ZNF773: variants seen among roughly 807,000 people sequenced by gnomAD.
ZNF773 encodes zinc finger protein 419B.
ZNF773 carries 11 observed loss-of-function variants against 12.8 expected under a neutral mutation model. That is an observed-to-expected ratio of 0.86 (90% CI 0.54 to 1.42). The LOEUF (loss-of-function observed/expected upper bound fraction) is 1.42. Among genes scored for constraint, ZNF773 ranks in the 40% most tolerant of loss-of-function variants. The pLI is 0.00. For synonymous variants in ZNF773, 175 were observed against 178.4 expected (o/e 0.98, Z 0.15); for missense variants, 518 against 527.2 (o/e 0.98, Z 0.17).
downstream of ZNF773, among the ~76,000 whole-genome samples, chr19:57,509,981 G>A (rs936946569): frequency 1.3e-5 from 2 of 152,174 alleles, no homozygotes; most frequent in Admixed American, 1.3e-4. Flanking sequence ...AAGAGGCAAT[G>A]ACATAAAACT....
intron 3 of ZNF773, among the ~76,000 whole-genome samples, chr19:57,505,713 T>G (rs1600151034): frequency 4.4e-4 from 1 of 2,276 alleles, no homozygotes; most frequent in Non-Finnish European, 1.2e-3. Context: ...ATTCCAGTTG[T>G]TTTTTTTTTT....
chr19:57,505,898 A>G (rs2089726093), intron 3 of ZNF773, among the ~76,000 whole-genome samples: 1 of 151,776 alleles, frequency 6.6e-6, no homozygotes, highest in African/African-American at 2.4e-5. Flanking sequence ...TTTAGTAGAG[A>G]CTGGGTTTCA....
At chr19:57,511,345 C>T (rs1193479979), downstream of ZNF773, among the ~76,000 whole-genome samples, 1 of 152,118 alleles carries the variant, frequency 6.6e-6, no homozygotes, top group Non-Finnish European at 1.5e-5. Context: ...GCCACCATGC[C>T]CGGCCAACAA....
chr19:57,504,201 C>T (rs2089700891), intron 1 of ZNF773, among the ~76,000 whole-genome samples: 1 of 152,166 alleles, frequency 6.6e-6, no homozygotes, highest in Non-Finnish European at 1.5e-5. Context: ...GGTGAGTGCC[C>T]TCTGGATGCC....
chr19:57,516,150 C>G (rs1357018559), downstream of ZNF773: 1 of 155,366 alleles, frequency 6.4e-6, no homozygotes, highest in Non-Finnish European at 1.4e-5. Context: ...CCCAGCTCCT[C>G]CAGTACGAGC....
chr19:57,505,510 C>T (rs1166946001), intron 3 of ZNF773, 110 bp downstream of exon 3: 12 of 1,236,414 alleles, frequency 9.7e-6, no homozygotes, highest in South Asian at 3.6e-5. Flanking sequence ...AAGGTGTCGT[C>T]GCTGATTTCT....
In ZNF773 at chr19:57,507,620, A is replaced by G; in HGVS notation, c.*196A>G. ...AGCCAAAGGCCTAACCGTATTCAAC[A>G]CCAGAAAGTTTAGACTGGAGAAAGG... On this transcript the variant is annotated 3_prime_UTR_variant, in exon 4 of 4. Transcript: ENST00000282292. The G allele has an allele frequency of 1.4e-6, 2 of 1,393,662 alleles. No homozygotes were observed. The highest frequency in any genetic ancestry group is 1.8e-5 in the South Asian group (1 of 54,880). The allele number at this position is 1,393,662 out of a possible 1,614,324, so 86.3% of individuals were successfully genotyped here.
At chr19:57,513,138 G>T, downstream of ZNF773, 1 of 1,407,834 alleles carries the variant, frequency 7.1e-7, no homozygotes, top group Non-Finnish European at 9.3e-7. Flanking sequence ...AAGTCTGCTG[G>T]CAGTGGATAT....
Position 57,500,086 on chromosome 19 carries a change from G to A in ZNF773, c.6G>A (p.Ala2=), listed in dbSNP as rs761750002. 6.2e-7 allele frequency: 1 copy of A among 1,604,110 alleles called. No homozygotes were observed. Among genetic ancestry groups the A allele is most frequent in the Non-Finnish European group, 8.5e-7 (1 of 1,176,898 alleles). The change falls in exon 1 of 4, where the codon GCG becomes GCA. Residue 2 remains alanine, a synonymous_variant. Coordinates refer to ENST00000282292, the MANE Select transcript of ZNF773 (RefSeq NM_198542.3). ...TCTCACCGCCACAGGCTCCGATGGC[G>A]GCGGCCACGCTGAGGGACCCCGCTC... M[A]AATLRDPAQQ...
rs921994781 is a variant in ZNF773, at chr19:57,502,630, G to C, written c.34-2027G>C. On this transcript the variant is annotated intron_variant, in intron 1 of 3. Coordinates refer to ENST00000282292, the MANE Select transcript of ZNF773 (RefSeq NM_198542.3). ...TACTACAGTAGTCTGTGTGAGTGCT[G>C]GACCAGAGTGGTGGCTGTGGACGTA... is the stretch of plus-strand genomic sequence containing the variant. Among the ~76,000 whole-genome samples the C allele has an allele frequency of 7.9e-5, 12 of 152,300 alleles. No homozygotes were observed. In the South Asian group the frequency reaches 1.2e-3, roughly 16 times the overall value.
Position 57,506,512 on chromosome 19 carries a change from A to G in ZNF773, c.417A>G (p.Arg139=), listed in dbSNP as rs530277336. ...EGRVPVLRSC[R]VHLSEKSLQS... is the part of the protein sequence containing the mutation. ...GGGTCCCAGTTTTGAGGAGTTGCAG[A>G]GTCCACCTATCAGAGAAGTCCTTGC... The change falls in exon 4 of 4, where the codon AGA becomes AGG. Residue 139 remains arginine, a synonymous_variant. Transcript: ENST00000282292. The G allele has an allele frequency of 6.2e-6, 10 of 1,614,248 alleles. No homozygotes were observed. In the East Asian group the frequency reaches 1.8e-4, roughly 29 times the overall value.
downstream of ZNF773, chr19:57,508,386 A>T (rs951720899): frequency 9.2e-6 from 6 of 649,406 alleles, no homozygotes; most frequent in Non-Finnish European, 1.5e-5. Flanking sequence ...GGAGGAAAGG[A>T]GTGGTCTCGA....
At chr19:57,511,004 G>A (rs909643512), downstream of ZNF773, among the ~76,000 whole-genome samples, 10 of 151,140 alleles carry the variant, frequency 6.6e-5, no homozygotes, top group African/African-American at 2.4e-4. Flanking sequence ...AAATGCAAAG[G>A]GCCTGGACTA....
chr19:57,506,798 T>A lies in ZNF773; in HGVS notation c.703T>A (p.Phe235Ile). The change falls in exon 4 of 4, where the codon TTT (phenylalanine) becomes ATT (isoleucine). Residue 235 changes from phenylalanine to isoleucine, a missense_variant. Physicochemically the swap from Phe to Ile is conservative, Grantham distance 21 (BLOSUM62 0). Transcript: ENST00000282292. ...GTTATTTAGCCATAAGTCCAACCTT[T>A]TTATACACCAAATAGTTCACACTGG... The part of the protein sequence containing the change: ...GKLFSHKSNL[F>I]IHQIVHTGER... The A allele has an allele frequency of 1.2e-6, 2 of 1,614,040 alleles. No homozygotes were observed. Among genetic ancestry groups the A allele is most frequent in the Non-Finnish European group, 1.7e-6 (2 of 1,179,998 alleles).
intron 1 of ZNF773, among the ~76,000 whole-genome samples, chr19:57,500,382 TG>T (rs1381156710): frequency 6.6e-6 from 1 of 151,814 alleles, no homozygotes; most frequent in Non-Finnish European, 1.5e-5. Flanking sequence ...CCCGAGCAGC[TG>T]CGCTTTCATC....
Position 57,502,089 on chromosome 19 carries a change from C to T in ZNF773, c.33+1976C>T, listed in dbSNP as rs1177007794. On this transcript the variant is annotated intron_variant, in intron 1 of 3. Coordinates refer to ENST00000282292, the MANE Select transcript of ZNF773 (RefSeq NM_198542.3). Reference sequence around the variant, plus strand: ...TCCCAAGTAGCTGGGATTACAGGCACGTGCCGTCACGCCCGGCTAATTTTG... The same window carrying T: ...TCCCAAGTAGCTGGGATTACAGGCATGTGCCGTCACGCCCGGCTAATTTTG... Among the ~76,000 whole-genome samples the T allele has an allele frequency of 4.6e-5, 7 of 152,142 alleles. No homozygotes were observed. In the East Asian group the frequency reaches 7.7e-4, roughly 17 times the overall value.
At position 57,507,665 on chromosome 19, in the gene ZNF773, C is replaced by A; in HGVS notation, c.*241C>A. 7.6e-7 allele frequency: 1 copy of A among 1,316,528 alleles called. No individual in the cohort carries two copies. The highest frequency in any genetic ancestry group is 9.6e-7 in the Non-Finnish European group (1 of 1,039,532). 81.6% of individuals were successfully genotyped at this position (1,316,528 alleles called of 1,614,324 possible). On this transcript the variant is annotated 3_prime_UTR_variant, in exon 4 of 4. Transcript: ENST00000282292. ...GAAAGGCCTTAGACTGTCGCTGAAT[C>A]AATATGACCTGACTTAAAGCAGAAA...
chr19:57,507,762 C>T lies in ZNF773; in HGVS notation c.*338C>T. The T allele has an allele frequency of 9.8e-7, 1 of 1,019,554 alleles. No individual in the cohort carries two copies. The highest frequency in any genetic ancestry group is 3.8e-5 in the South Asian group (1 of 26,150). 63.2% of individuals were successfully genotyped at this position (1,019,554 alleles called of 1,614,324 possible). On this transcript the variant is annotated 3_prime_UTR_variant, in exon 4 of 4. Coordinates refer to ENST00000282292, the MANE Select transcript of ZNF773 (RefSeq NM_198542.3). ...GGCTGAAGCGGGCGGATCACAAGGTCAGGACATCGAAACCATCCTGGTTAA... is the reference window on the plus strand; with the variant it reads ...GGCTGAAGCGGGCGGATCACAAGGTTAGGACATCGAAACCATCCTGGTTAA...
chr19:57,501,125 C>T (rs185752717), intron 1 of ZNF773, among the ~76,000 whole-genome samples: 6 of 152,264 alleles, frequency 3.9e-5, no homozygotes, highest in African/African-American at 9.6e-5. Context: ...GGTGGAGCAG[C>T]ACCTTTGGTG....
Sources: allele counts gnomAD v4.1 joint callset (sites outside exome capture counted in the v4.1 genomes callset), GRCh38; gene constraint gnomAD v4.1.1; transcripts MANE v1.5; gene names NCBI Gene and HGNC (gene_info 2026-07-23, HGNC 2026-07-21).